The following ARHGAP35 variants were observed in gnomAD, a reference collection of about 807,000 sequenced individuals.
ARHGAP35 encodes the protein Rho GTPase activating protein 35.
ARHGAP35 carries 15 observed loss-of-function variants against 111.1 expected under a neutral mutation model. The observed-to-expected ratio is 0.13, with a 90% confidence interval of 0.09 to 0.21. ARHGAP35 has a LOEUF of 0.21. Ranked by LOEUF, ARHGAP35 falls within the 10% of genes least tolerant of loss-of-function variation. The pLI is 1.00. For synonymous variants in ARHGAP35, 643 were observed against 710.3 expected (o/e 0.91, Z 1.51); for missense variants, 1,262 against 1,873.0 (o/e 0.67, Z 6.02).
intron 1 of ARHGAP35, among the ~76,000 whole-genome samples, chr19:46,874,750 G>A (rs367832328): frequency 1.9e-4 from 29 of 148,844 alleles, no homozygotes; most frequent in African/African-American, 5.7e-4. Flanking sequence ...TGGTCCAGCC[G>A]CGTTGGCCTC....
intron 1 of ARHGAP35, among the ~76,000 whole-genome samples, chr19:46,888,503 G>A (rs2056007614): frequency 6.7e-6 from 1 of 149,810 alleles, no homozygotes; most frequent in Non-Finnish European, 1.5e-5. Context: ...ATCCCTGCCA[G>A]GGAGACAAAC....
At chr19:46,995,774 T>C (rs11673380) in intron 5 of ARHGAP35, among the ~76,000 whole-genome samples, 96,516 of 152,230 alleles carry the variant, frequency 0.63, 31,218 homozygotes, top group Middle Eastern at 0.82. Context: ...AGGCTGCAGC[T>C]GGAGCCTAGA....
intron 1 of ARHGAP35, among the ~76,000 whole-genome samples, chr19:46,893,342 T>C (rs1363743750): frequency 1.3e-5 from 2 of 152,160 alleles, no homozygotes; most frequent in African/African-American, 4.8e-5. Flanking sequence ...TTTGAACATA[T>C]AATAGAGGTG....
At chr19:46,960,959 A>G (rs2056478530) in intron 3 of ARHGAP35, among the ~76,000 whole-genome samples, 1 of 151,168 alleles carries the variant, frequency 6.6e-6, no homozygotes, top group Non-Finnish European at 1.5e-5. Flanking sequence ...CAGTGGCGCA[A>G]TCTCGGCTCA....
At chr19:46,889,697 G>C (rs2056014503) in intron 1 of ARHGAP35, among the ~76,000 whole-genome samples, 1 of 140,684 alleles carries the variant, frequency 7.1e-6, no homozygotes, top group African/African-American at 2.7e-5. Context: ...CTTGCAGTGA[G>C]CCGAGATCCC....
At chr19:46,959,982 T>C (rs548068702) in intron 3 of ARHGAP35, among the ~76,000 whole-genome samples, 2 of 149,216 alleles carry the variant, frequency 1.3e-5, no homozygotes, top group East Asian at 4.0e-4. Flanking sequence ...TTGTGGCACA[T>C]GTCTATAGTC....
chr19:46,921,312 T>C lies in ARHGAP35; in HGVS notation c.2637T>C (p.Asp879=), dbSNP rs1385677983. The C allele has an allele frequency of 1.9e-6, 3 of 1,613,984 alleles. No individual in the cohort carries two copies. Among genetic ancestry groups the C allele is most frequent in the Non-Finnish European group, 2.5e-6 (3 of 1,179,888 alleles). Residue 879 remains aspartate (D), a synonymous_variant, in exon 2 of 7, where the codon GAT becomes GAC. Transcript: ENST00000672722. The surrounding 1 kb of genome is among the most constrained non-coding windows in gnomAD (Gnocchi z 4.3). The part of the protein sequence containing the change: ...MLRAFLCEVQ[D]IIPIQLVALT... ...GTGCCTTTCTTTGTGAAGTGCAGGA[T>C]ATTATCCCTATTCAGCTTGTAGCAC...
At chr19:46,894,155 C>T (rs1184018835) in intron 1 of ARHGAP35, among the ~76,000 whole-genome samples, 1 of 152,092 alleles carries the variant, frequency 6.6e-6, no homozygotes, top group Non-Finnish European at 1.5e-5. Context: ...AATTAGGATG[C>T]AATCCCTTGC....
At chr19:46,961,485 C>G (rs888529585) in intron 3 of ARHGAP35, among the ~76,000 whole-genome samples, 4 of 152,204 alleles carry the variant, frequency 2.6e-5, no homozygotes, top group African/African-American at 9.7e-5. Context: ...GTTAGAATTG[C>G]AGCTGCCTTA....
In ARHGAP35 at chr19:47,000,129, G is replaced by A. The variant is rs867265914; in HGVS notation, c.4143-202G>A. On this transcript the variant is annotated intron_variant, in intron 6 of 6. Coordinates refer to ENST00000672722, the MANE Select transcript of ARHGAP35 (RefSeq NM_004491.5). The surrounding 1 kb of genome is among the most constrained non-coding windows in gnomAD (Gnocchi z 6.9). ...AGGCAGCCTTTCCGAGGTTGGCCAT[G>A]TAGAGGCACTGGGCTGGAGGGGAGA... is the stretch of plus-strand genomic sequence containing the variant. 1.3e-5 allele frequency among the ~76,000 whole-genome samples: 2 copies of A among 152,194 alleles called. No individual in the cohort carries two copies. Among genetic ancestry groups the A allele is most frequent in the East Asian group, 1.9e-4 (1 of 5,174 alleles).
At chr19:46,975,032 G>A (rs533958415) in intron 3 of ARHGAP35, among the ~76,000 whole-genome samples, 148 of 152,138 alleles carry the variant, frequency 9.7e-4, no homozygotes, top group Non-Finnish European at 1.4e-3. Context: ...CACCACACCC[G>A]GGTAATTTTT....
chr19:46,896,343 G>A (rs2056055976), intron 1 of ARHGAP35, among the ~76,000 whole-genome samples: 1 of 152,350 alleles, frequency 6.6e-6, no homozygotes, highest in Admixed American at 6.5e-5. Flanking sequence ...TTGCGCCACT[G>A]CACCTGCACT....
At chr19:46,869,578 G>C (rs1167817219) in intron 1 of ARHGAP35, among the ~76,000 whole-genome samples, 1 of 151,778 alleles carries the variant, frequency 6.6e-6, no homozygotes, top group Non-Finnish European at 1.5e-5. Context: ...TAAAAGAAAG[G>C]TCAAAACTGT....
chr19:46,875,766 AGG>A (rs1335648965), intron 1 of ARHGAP35, among the ~76,000 whole-genome samples: 1 of 152,144 alleles, frequency 6.6e-6, no homozygotes, highest in Non-Finnish European at 1.5e-5. Flanking sequence ...CGAGCATGTG[AGG>A]GTGCTGCAAA....
At chr19:46,987,859 G>A in intron 3 of ARHGAP35, 130 bp from the exon 4 acceptor site, 2 of 754,994 alleles carry the variant, frequency 2.6e-6, no homozygotes, top group Middle Eastern at 2.3e-4. Flanking sequence ...AGAGTGTGCT[G>A]AGGCCTGCTC....
chr19:46,941,859 C>T (rs2056348921), intron 3 of ARHGAP35, among the ~76,000 whole-genome samples: 1 of 129,838 alleles, frequency 7.7e-6, no homozygotes, highest in South Asian at 2.4e-4. Context: ...TGGACCCAGC[C>T]AGAGACCCTG....
rs577712545 is a variant in ARHGAP35, at chr19:47,003,536, T to G, written c.*2848T>G. 1 of 152,344 alleles carries G rather than the reference T, an allele frequency of 6.6e-6. No homozygotes were observed. The highest frequency in any genetic ancestry group is 2.4e-5 in the African/African-American group (1 of 41,564). 9.4% of individuals were successfully genotyped at this position (152,344 alleles called of 1,614,324 possible). A position where few individuals can be genotyped will look rare whatever the true frequency, so the allele number is the denominator to read the frequency against. On this transcript the variant is annotated 3_prime_UTR_variant, in exon 7 of 7. Coordinates refer to ENST00000672722, the MANE Select transcript of ARHGAP35 (RefSeq NM_004491.5). ...GCGTGGCTCGTGAATCCACTTAGAATTCTTGGCTTGTGTCGCATACTGGGT... is the reference window on the plus strand; with the variant it reads ...GCGTGGCTCGTGAATCCACTTAGAAGTCTTGGCTTGTGTCGCATACTGGGT...
At chr19:46,951,232 G>A (rs538014985) in intron 3 of ARHGAP35, among the ~76,000 whole-genome samples, 4 of 152,322 alleles carry the variant, frequency 2.6e-5, no homozygotes, top group South Asian at 4.1e-4. Context: ...TGATGCTAGC[G>A]TCTTCAGGGG....
At chr19:46,930,712 C>T (rs2122215643) in intron 2 of ARHGAP35, among the ~76,000 whole-genome samples, 1 of 151,440 alleles carries the variant, frequency 6.6e-6, no homozygotes, top group South Asian at 2.1e-4. Context: ...AGTAGCCCTC[C>T]CTGCTGTTCC....
Sources: allele counts gnomAD v4.1 joint callset (sites outside exome capture counted in the v4.1 genomes callset), GRCh38; gene constraint gnomAD v4.1.1; non-coding constraint Gnocchi (gnomAD v3.1); transcripts MANE v1.5; gene names NCBI Gene and HGNC (gene_info 2026-07-23, HGNC 2026-07-21).